HTR2C: variants seen among roughly 807,000 people sequenced by gnomAD.
HTR2C encodes the protein 5-hydroxytryptamine (serotonin) receptor 2C, G protein-coupled.
Under a neutral mutation model 21.0 loss-of-function variants are expected in HTR2C, and 5 were observed. The ratio of observed to expected loss-of-function variants is 0.24; its 90% CI spans 0.12 to 0.50. HTR2C has a LOEUF of 0.50. HTR2C is among the 20% of genes least tolerant of loss of function. HTR2C has a pLI of 0.98. For synonymous variants in HTR2C, 150 were observed against 145.3 expected (o/e 1.03, Z -0.23); for missense variants, 271 against 371.2 (o/e 0.73, Z 2.22).
intron 2 of HTR2C, among the ~76,000 whole-genome samples, chrX:114,706,552 G>C (rs1457817378): frequency 1.3e-5 from 1 of 76,500 alleles, no homozygotes; most frequent in Non-Finnish European, 2.4e-5. Flanking sequence ...ACACTCTGGG[G>C]ACTGTGGTGG....
chrX:114,701,158 T>G (rs782029351), intron 2 of HTR2C, among the ~76,000 whole-genome samples: 14 of 112,216 alleles, frequency 1.2e-4, no homozygotes, highest in Non-Finnish European at 1.7e-4. Flanking sequence ...AAGACAGCAG[T>G]AACCTCTGCA....
At chrX:114,708,805 T>TC (rs1380261008) in intron 2 of HTR2C, among the ~76,000 whole-genome samples, 5 of 11,949 alleles carry the variant, frequency 4.2e-4, no homozygotes, top group Middle Eastern at 0.057. Context: ...AGATACTACA[T>TC]TTTTTTTAAG....
Position 114,726,987 on chromosome X carries a change from C to G in HTR2C, c.35+16C>G, listed in dbSNP as rs1427506483. On this transcript the variant is annotated intron_variant, in intron 3 of 5. Coordinates refer to ENST00000276198, the MANE Select transcript of HTR2C (RefSeq NM_000868.4). ...ATTCATTCCTGTAAGGATGTTACTA[C>G]TTATTATTTTAGTAAAAAGATAACT... 2 of 1,016,589 alleles carry G rather than the reference C, an allele frequency of 2.0e-6. No individual in the cohort carries two copies. The highest frequency in any genetic ancestry group is 2.0e-5 in the African/African-American group (1 of 49,987). 83.8% of individuals were successfully genotyped at this position (1,016,589 alleles called of 1,213,427 possible).
chrX:114,589,091 G>A (rs962013089), intron 1 of HTR2C, among the ~76,000 whole-genome samples: 4 of 112,291 alleles, frequency 3.6e-5, no homozygotes, highest in Non-Finnish European at 7.5e-5. Flanking sequence ...TATTGCCTCT[G>A]TTTAGAAATT....
In HTR2C at chrX:114,590,833, A is replaced by G. The variant is rs943002348; in HGVS notation, c.-147+6174A>G. On this transcript the variant is annotated intron_variant, in intron 1 of 5. Transcript: ENST00000276198. ...TATATACATATATGAGAGAGAGACC[A>G]TTTCATTGACCACATGCATGGCTAT... is the stretch of plus-strand genomic sequence containing the variant. Among the ~76,000 whole-genome samples the G allele has an allele frequency of 1.2e-4, 13 of 111,859 alleles. No individual in the cohort carries two copies. In the Admixed American group the frequency reaches 1.2e-3, roughly 11 times the overall value.
Position 114,751,223 on chromosome X carries a change from A to G in HTR2C, c.349+19616A>G, listed in dbSNP as rs141889356. ...AAAAGTGAAGATCATTCATTTGGCA[A>G]TTATTTATTGAGCACCTACAGTATA... On this transcript the variant is annotated intron_variant, in intron 4 of 5. Transcript: ENST00000276198. Among the ~76,000 whole-genome samples, 335 of 81,124 alleles carry G rather than the reference A, an allele frequency of 4.1e-3. 1 individual carries two copies. Among genetic ancestry groups the G allele is most frequent in the African/African-American group, 0.012 (312 of 25,478 alleles). 70.4% of individuals were successfully genotyped at this position (81,124 alleles called of 115,157 possible).
intron 2 of HTR2C, among the ~76,000 whole-genome samples, chrX:114,707,617 A>G (rs1028830308): frequency 9.0e-5 from 10 of 110,856 alleles, no homozygotes; most frequent in Non-Finnish European, 1.9e-4. Flanking sequence ...GATGAAGGTG[A>G]CTAGAGAGTG....
intron 2 of HTR2C, among the ~76,000 whole-genome samples, chrX:114,687,158 T>G (rs1931945880): frequency 8.9e-6 from 1 of 112,303 alleles, no homozygotes; most frequent in South Asian, 3.6e-4. Context: ...CTTTAAAACT[T>G]GCTTTGGAAA....
chrX:114,900,446 G>A (rs1381841813), intron 5 of HTR2C: 3 of 195,037 alleles, frequency 1.5e-5, no homozygotes, highest in Non-Finnish European at 2.9e-5. Context: ...ATCAAGATAT[G>A]ATGTCTATCT....
In HTR2C at chrX:114,652,976, ATAT is replaced by A. The variant is rs1458399042; in HGVS notation, c.-80+39101_-80+39103del. On this transcript the variant is annotated intron_variant, in intron 2 of 5. Transcript: ENST00000276198. ...TGTAGAAATTTGAGCGAATATATAAATATTATTAAATCATTATTATAAGACAGT... is the reference window on the plus strand; with the variant it reads ...TGTAGAAATTTGAGCGAATATATAAATATTAAATCATTATTATAAGACAGT... 9.0e-5 allele frequency among the ~76,000 whole-genome samples: 3 copies of A among 33,363 alleles called. No homozygotes were observed. In the Admixed American group the frequency reaches 1.7e-3, roughly 19 times the overall value. 29.0% of individuals were successfully genotyped at this position (33,363 alleles called of 115,157 possible). A position where few individuals can be genotyped will look rare whatever the true frequency, so the allele number is the denominator to read the frequency against.
intron 5 of HTR2C, among the ~76,000 whole-genome samples, chrX:114,892,141 T>A (rs2071263297): frequency 8.9e-6 from 1 of 112,061 alleles, no homozygotes. Flanking sequence ...AAATTACTTA[T>A]CTTGCAAAGT....
At chrX:114,696,647 C>T (rs181785639) in intron 2 of HTR2C, among the ~76,000 whole-genome samples, 12 of 108,855 alleles carry the variant, frequency 1.1e-4, no homozygotes, top group Non-Finnish European at 2.1e-4. Flanking sequence ...TTTCATTTAT[C>T]GAGTTGAAAG....
intron 1 of HTR2C, among the ~76,000 whole-genome samples, chrX:114,587,647 A>G (rs1396361086): frequency 1.8e-5 from 2 of 112,191 alleles, no homozygotes; most frequent in Non-Finnish European, 1.9e-5. Context: ...ATTCTAGGCT[A>G]CCTATGTCAT....
chrX:114,785,529 T>C (rs374484924), intron 4 of HTR2C, among the ~76,000 whole-genome samples: 39 of 111,908 alleles, frequency 3.5e-4, no homozygotes, highest in African/African-American at 1.2e-3. Flanking sequence ...GATTTGCAGA[T>C]TGATATGGAG....
intron 5 of HTR2C, among the ~76,000 whole-genome samples, chrX:114,857,901 A>G (rs1403281862): frequency 9.0e-6 from 1 of 111,005 alleles, no homozygotes; most frequent in East Asian, 2.8e-4. Context: ...GATGCGAGCT[A>G]GAGATTGAAT....
At chrX:114,660,062 C>T (rs781914115) in intron 2 of HTR2C, among the ~76,000 whole-genome samples, 1 of 112,166 alleles carries the variant, frequency 8.9e-6, no homozygotes, top group African/African-American at 3.2e-5. Context: ...TGAATTTACA[C>T]ATGTAGTAAA....
In HTR2C at chrX:114,655,511, CT is replaced by C. The variant is rs782058649; in HGVS notation, c.-80+41635del. Among the ~76,000 whole-genome samples, 19 of 111,974 alleles carry C rather than the reference CT, an allele frequency of 1.7e-4. No homozygotes were observed. The South Asian group carries it at 6.1e-3, about 36-fold the overall frequency. ...ATGTTCATTTTAAAGTTGTCAATTA[CT>C]TTTTGTTGTTCCTCAAGTTCTTGTG... On this transcript the variant is annotated intron_variant, in intron 2 of 5. Transcript: ENST00000276198.
At chrX:114,640,453 T>C (rs7876552) in intron 2 of HTR2C, among the ~76,000 whole-genome samples, 374 of 111,853 alleles carry the variant, frequency 3.3e-3, no homozygotes, top group African/African-American at 0.011. Flanking sequence ...GCCAATCACA[T>C]CTTATCATTT....
rs187016563 is a variant in HTR2C, at chrX:114,729,590, A to C, written c.36-1704A>C. On this transcript the variant is annotated intron_variant, in intron 3 of 5. Transcript: ENST00000276198. ...AGATTAATTATGACATAGATTTTGG[A>C]ATCCTGTATTATTTTTGCCTATTTT... Among the ~76,000 whole-genome samples the C allele has an allele frequency of 9.8e-5, 11 of 112,026 alleles. No homozygotes were observed. The Admixed American group carries it at 1.0e-3, about 11-fold the overall frequency.
Sources: gnomAD v4.1 joint callset for allele counts (sites outside exome capture counted in the v4.1 genomes callset) on GRCh38, gnomAD v4.1.1 for gene constraint, MANE v1.5 for transcripts, NCBI Gene and HGNC (gene_info 2026-07-23, HGNC 2026-07-21) for gene names.